The following ZSCAN5C variants were observed in gnomAD, a reference collection of about 807,000 sequenced individuals.
ZSCAN5C encodes the protein zinc finger and SCAN domain containing 5C, also known as zinc finger and SCAN domain-containing protein 5C.
A neutral mutation model predicts 17.3 loss-of-function variants in ZSCAN5C; 11 were observed. The ratio of observed to expected loss-of-function variants is 0.64; its 90% CI spans 0.40 to 1.06. The LOEUF is 1.06. ZSCAN5C is among the 50% of genes least tolerant of loss of function. ZSCAN5C has a pLI of 0.00. For missense variants in ZSCAN5C, 698 were observed against 538.9 expected (o/e 1.30, Z -2.92); for synonymous variants, 229 against 208.4 (o/e 1.10, Z -0.85).
chr19:56,209,121 C>A (rs1184944612), exon 5 of ZSCAN5C: 1 of 1,549,622 alleles, frequency 6.5e-7, no homozygotes, highest in Non-Finnish European at 8.9e-7. Flanking sequence ...CACAAATGTT[C>A]CAAGTGTCCA....
At chr19:56,206,136 C>T (rs576114932) in exon 2 of ZSCAN5C, 6 of 1,603,384 alleles carry the variant, frequency 3.7e-6, no homozygotes, top group East Asian at 2.2e-5. Flanking sequence ...GTGGCTGAGG[C>T]CCGACCTCCA....
chr19:56,209,201 C>A, downstream of ZSCAN5C: 1 of 755,990 alleles, frequency 1.3e-6, no homozygotes, highest in Non-Finnish European at 2.3e-6. Flanking sequence ...TTCACAGTGA[C>A]TTCACCATCG....
At chr19:56,205,694 G>C (rs2032912303) in intron 1 of ZSCAN5C, 93 bp from the exon 2 acceptor site, 1 of 533,988 alleles carries the variant, frequency 1.9e-6, no homozygotes. Context: ...ATGCTAGAGG[G>C]GAAGTGGGGT....
downstream of ZSCAN5C, chr19:56,209,265 C>T: frequency 1.6e-6 from 1 of 622,482 alleles, no homozygotes; most frequent in South Asian, 2.0e-5. Flanking sequence ...CCGATGTTGT[C>T]AGATGACGTT....
At chr19:56,204,416 G>A (rs867471404) in intron 1 of ZSCAN5C, among the ~76,000 whole-genome samples, 89 of 151,684 alleles carry the variant, frequency 5.9e-4, no homozygotes, top group Admixed American at 9.2e-4. Context: ...TCTAGCAGGC[G>A]TGAGGGGTGC....
At chr19:56,209,330 G>C (rs996106474), downstream of ZSCAN5C, 9 of 509,848 alleles carry the variant, frequency 1.8e-5, no homozygotes, top group Non-Finnish European at 2.7e-5. Context: ...GGAATTCCTA[G>C]GATGTTTGTT....
At position 56,205,534 on chromosome 19, in the gene ZSCAN5C, G is replaced by A. The variant is rs552139323; in HGVS notation, c.-127-253G>A. On this transcript the variant is annotated intron_variant, in intron 1 of 4. Transcript: ENST00000534327. ...TTTACAGTCAAAAACAATGTTGTTC[G>A]ATGGGCAGGAAAACCAATTCAGCCT... 2.8e-4 allele frequency among the ~76,000 whole-genome samples: 43 copies of A among 151,978 alleles called. 3 individuals carry two copies. The highest frequency in any genetic ancestry group is 8.5e-4 in the African/African-American group (35 of 41,284).
chr19:56,207,944 A>T (rs1568591429), intron 3 of ZSCAN5C, 90 bp from the exon 4 acceptor site: 1 of 637,802 alleles, frequency 1.6e-6, no homozygotes. Flanking sequence ...GTGTCATTAG[A>T]AGAGTTGGTG....
chr19:56,206,921 C>G (rs2032927541), intron 2 of ZSCAN5C, 138 bp from the exon 3 acceptor site: 7 of 596,236 alleles, frequency 1.2e-5, no homozygotes, highest in Non-Finnish European at 2.1e-5. Flanking sequence ...AAAGTTCACA[C>G]AGAGCTGATT....
At chr19:56,208,990 G>C (rs1164394202) in exon 5 of ZSCAN5C, 1 of 1,613,426 alleles carries the variant, frequency 6.2e-7, no homozygotes. Context: ...AGTCCTACTT[G>C]AAGTGTCACA....
At chr19:56,208,209 G>T (rs1476590117) in intron 4 of ZSCAN5C, 25 bp downstream of exon 4, 1 of 766,080 alleles carries the variant, frequency 1.3e-6, no homozygotes, top group East Asian at 2.4e-5. Flanking sequence ...TTACACCTGT[G>T]TGGAGATAGC....
intron 3 of ZSCAN5C, among the ~76,000 whole-genome samples, chr19:56,207,754 G>T (rs1290359147): frequency 8.6e-5 from 13 of 151,758 alleles, no homozygotes; most frequent in African/African-American, 2.7e-4. Flanking sequence ...TGGAGGCGGG[G>T]TCTCTGCTCT....
Position 56,206,442 on chromosome 19 carries a change from A to C in ZSCAN5C, c.384+145A>C, listed in dbSNP as rs1192365370. The C allele has an allele frequency of 6.2e-6, 8 of 1,300,244 alleles. No individual in the cohort carries two copies. In the East Asian group the frequency reaches 1.9e-4, roughly 31 times the overall value. 80.5% of individuals were successfully genotyped at this position (1,300,244 alleles called of 1,614,324 possible). A position where few individuals can be genotyped will look rare whatever the true frequency, so the allele number is the denominator to read the frequency against. Reference sequence around the variant, plus strand: ...AGTTTGCCCATCAGGGACACATGGCAGTGTCTGGGGACAGTTTTTATTGTC... The same window carrying C: ...AGTTTGCCCATCAGGGACACATGGCCGTGTCTGGGGACAGTTTTTATTGTC... On this transcript the variant is annotated intron_variant, in intron 2 of 4. Coordinates refer to ENST00000534327, the Ensembl canonical transcript of ZSCAN5C.
intron 1 of ZSCAN5C, 55 bp from the exon 2 acceptor site, chr19:56,205,732 G>C: frequency 1.8e-6 from 1 of 567,676 alleles, no homozygotes; most frequent in Non-Finnish European, 3.1e-6. Flanking sequence ...GATTTGGAAG[G>C]ATGGGGTGGG....
At chr19:56,206,434 C>G in intron 2 of ZSCAN5C, 137 bp downstream of exon 2, 1 of 1,337,648 alleles carries the variant, frequency 7.5e-7, no homozygotes, top group Non-Finnish European at 1.0e-6. Context: ...CCATCAGGGA[C>G]ACATGGCAGT....
At chr19:56,209,291 G>A (rs1049760365), downstream of ZSCAN5C, 8 of 600,060 alleles carry the variant, frequency 1.3e-5, no homozygotes, top group East Asian at 5.5e-5. Context: ...GATGAAGGGC[G>A]CCTGGCACGC....
rs781103780 is a variant in ZSCAN5C, at chr19:56,208,105, C to T, written c.660C>T (p.Thr220=). Residue 220 remains threonine, a synonymous_variant, in exon 4 of 5, where the codon ACC becomes ACT. Transcript: ENST00000534327. Reference sequence around the variant, plus strand: ...CAAAGGCTCTGAGACCCAAGCCGACCTTGGAGAAGGACCTGGAGGAAGACA... The same window carrying T: ...CAAAGGCTCTGAGACCCAAGCCGACTTTGGAGAAGGACCTGGAGGAAGACA... The T allele has an allele frequency of 2.1e-5, 16 of 775,766 alleles. No individual in the cohort carries two copies. In the South Asian group the frequency reaches 2.2e-4, roughly 10 times the overall value. The allele number at this position is 775,766 out of a possible 1,614,324, so 48.1% of individuals were successfully genotyped here.
chr19:56,207,063 T>C (rs1313591803), exon 3 of ZSCAN5C: 1 of 718,800 alleles, frequency 1.4e-6, no homozygotes, highest in African/African-American at 1.7e-5. Flanking sequence ...CTATAGTCTG[T>C]AGTCAGTTTT....
chr19:56,205,887 GAC>G, exon 2 of ZSCAN5C: 1 of 955,436 alleles, frequency 1.0e-6, no homozygotes, highest in Non-Finnish European at 1.7e-6. Flanking sequence ...CTTTCCCAGA[GAC>G]AGATTGAAAT....
Sources: gnomAD v4.1 joint callset for allele counts (sites outside exome capture counted in the v4.1 genomes callset) on GRCh38, gnomAD v4.1.1 for gene constraint, MANE v1.5 for transcripts, NCBI Gene and HGNC (gene_info 2026-07-23, HGNC 2026-07-21) for gene names.